Variants in SLC43A3 observed in about 807,000 individuals in gnomAD.
SLC43A3 encodes the protein equilibrative nucleobase transporter 1.
A neutral mutation model predicts 53.3 loss-of-function variants in SLC43A3; 33 were observed. The observed-to-expected ratio is 0.62, with a 90% CI of 0.47 to 0.83. SLC43A3 has a LOEUF of 0.83. SLC43A3 is among the 40% of genes least tolerant of loss of function. The probability of loss-of-function intolerance (pLI) is 0.00; values close to 1 mark genes in which losing one functional copy is unlikely to be tolerated. For missense variants in SLC43A3, 530 were observed against 610.0 expected, an observed-to-expected ratio of 0.87 and a Z score of 1.38; for synonymous variants, 236 against 246.2, an observed-to-expected ratio of 0.96 and a Z score of 0.39.
Position 57,407,737 on chromosome 11 carries a change from G to T in SLC43A3, c.*55C>A, listed in dbSNP as rs1302031223. 1.9e-6 allele frequency: 2 copies of T among 1,077,170 alleles called. No individual in the cohort carries two copies. The highest frequency in any genetic ancestry group is 2.9e-6 in the Non-Finnish European group (2 of 696,556). The allele number at this position is 1,077,170 out of a possible 1,614,324, so 66.7% of individuals were successfully genotyped here. On this transcript the variant is annotated 3_prime_UTR_variant, in exon 14 of 14. Transcript: ENST00000395124. The stretch of plus-strand genomic sequence containing the variant: ...TCTTTTGGGACACGAGGTCCTCAAA[G>T]GTGGTGGAAGATGAACAAAACCATC...
chr11:57,424,625 AG>A (rs1339388641), intron 4 of SLC43A3, among the ~76,000 whole-genome samples: 17 of 152,060 alleles, frequency 1.1e-4, no homozygotes, highest in African/African-American at 3.9e-4. Context: ...AAAAAAAAAA[AG>A]CAATATCCTA....
At chr11:57,418,743 A>G (rs1252276534) in intron 7 of SLC43A3, among the ~76,000 whole-genome samples, 3 of 152,022 alleles carry the variant, frequency 2.0e-5, no homozygotes, top group South Asian at 4.2e-4. Flanking sequence ...TACAAAAATT[A>G]GTGGGGCATG....
At chr11:57,418,002 A>G (rs1942799627) in intron 7 of SLC43A3, 115 bp from the exon 8 acceptor site, 5 of 918,048 alleles carry the variant, frequency 5.4e-6, no homozygotes, top group Non-Finnish European at 8.3e-6. Context: ...ACAGCTAAAC[A>G]TAATGTGATC....
chr11:57,414,503 TCA>T (rs1942622575), intron 11 of SLC43A3, 110 bp downstream of exon 11: 1 of 540,722 alleles, frequency 1.8e-6, no homozygotes, highest in East Asian at 3.1e-5. Flanking sequence ...TAAGACTCTA[TCA>T]CAAAAAAAAA....
At chr11:57,411,533 T>C (rs1590679267) in intron 11 of SLC43A3, among the ~76,000 whole-genome samples, 3 of 146,768 alleles carry the variant, frequency 2.0e-5, no homozygotes, top group South Asian at 4.3e-4. Flanking sequence ...GACATGGTAG[T>C]GCATGCCTGT....
At position 57,425,995 on chromosome 11, in the gene SLC43A3, G is replaced by A. The variant is rs541285231; in HGVS notation, c.178C>T (p.Gln60Ter). 6.2e-7 allele frequency: 1 copy of A among 1,614,072 alleles called. No individual in the cohort carries two copies. The highest frequency in any genetic ancestry group is 1.1e-5 in the South Asian group (1 of 91,086). The change falls in exon 3 of 14, where the codon CAG (glutamine) becomes TAG (stop). Residue 60 changes from glutamine (Q) to a stop codon, truncating the protein, a stop_gained. Transcript: ENST00000395124. LOFTEE classifies it high-confidence loss of function. Reference sequence around the variant, plus strand: ...AAGTCATCCCTGCCCTTACCAGCCTGCCCTGTGGCATTGCCAATCGGCCCA... The same window carrying A: ...AAGTCATCCCTGCCCTTACCAGCCTACCCTGTGGCATTGCCAATCGGCCCA... The part of the protein sequence containing the change: ...DAGPIGNATG[Q>*]ADCKAQDERF...
chr11:57,414,686 A>G lies in SLC43A3; in HGVS notation c.989T>C (p.Leu330Pro). The change falls in exon 11 of 14, where the codon CTG becomes CCG. Residue 330 changes from leucine (L) to proline (P), a missense_variant. Transcript: ENST00000395124. ...GAGCAGGCCATTCCAGGGGGCACAC[A>G]GCACTCCGAACTGAGTGAAGGCAAA... The part of the protein sequence containing the change: ...NAFAFTQFGV[L>P]CAPWNGLLMD... The G allele has an allele frequency of 6.2e-7, 1 of 1,614,050 alleles. No homozygotes were observed. Among genetic ancestry groups the G allele is most frequent in the Non-Finnish European group, 8.5e-7 (1 of 1,179,992 alleles).
intron 11 of SLC43A3, among the ~76,000 whole-genome samples, chr11:57,412,769 C>A (rs1337390317): frequency 6.6e-6 from 1 of 151,142 alleles, no homozygotes; most frequent in Non-Finnish European, 1.5e-5. Context: ...GATTACGCCA[C>A]TGCACTCCAG....
Position 57,407,656 on chromosome 11 carries a change from GTCTT to G in SLC43A3, c.*132_*135del. On this transcript the variant is annotated 3_prime_UTR_variant, in exon 14 of 14. Coordinates refer to ENST00000395124, the MANE Select transcript of SLC43A3 (RefSeq NM_199329.3). The stretch of plus-strand genomic sequence containing the variant: ...TCTTGCTGCGCAGACGTCCTTGTGT[GTCTT>G]TATTTTGTGTGTGTGTGTGTGTGTG... 3.4e-6 allele frequency: 2 copies of G among 589,142 alleles called. No homozygotes were observed. Among genetic ancestry groups the G allele is most frequent in the Non-Finnish European group, 6.2e-6 (2 of 323,710 alleles). 36.5% of individuals were successfully genotyped at this position (589,142 alleles called of 1,614,324 possible).
intron 13 of SLC43A3, chr11:57,408,299 C>T (rs1298924174): frequency 7.8e-5 from 13 of 166,546 alleles, no homozygotes; most frequent in African/African-American, 9.6e-5. Context: ...CAGTGGTTCA[C>T]GCCTGTAATC....
intron 7 of SLC43A3, 72 bp downstream of exon 7, chr11:57,420,900 T>G: frequency 9.7e-7 from 1 of 1,029,360 alleles, no homozygotes; most frequent in Admixed American, 1.7e-5. Flanking sequence ...TGGAGACAAA[T>G]AATGCAGGTT....
intron 13 of SLC43A3, 173 bp from the exon 14 acceptor site, chr11:57,408,069 T>A (rs1454943776): frequency 1.8e-6 from 1 of 570,080 alleles, no homozygotes; most frequent in Non-Finnish European, 3.1e-6. Flanking sequence ...GGACTTTCAG[T>A]TACTTTTCAT....
At chr11:57,425,815 C>T in intron 3 of SLC43A3, 145 bp from the exon 4 acceptor site, 1 of 1,425,444 alleles carries the variant, frequency 7.0e-7, no homozygotes, top group Admixed American at 2.1e-5. Context: ...CTAATTACCC[C>T]TCAGGAGCTG....
rs769420949 is a variant in SLC43A3 at position 57,410,103 on chromosome 11, A to G, written c.1079T>C (p.Val360Ala). 74 of 1,604,984 alleles carry G rather than the reference A, an allele frequency of 4.6e-5. No individual in the cohort carries two copies. Among genetic ancestry groups the G allele is most frequent in the Non-Finnish European group, 4.7e-5 (55 of 1,176,368 alleles). Reference sequence around the variant, plus strand: ...CGAAGGCACCGTCGAGCAGAGGGCCACCGCCAAAGTGGAGGAACCTGGGCG... The same window carrying G: ...CGAAGGCACCGTCGAGCAGAGGGCCGCCGCCAAAGTGGAGGAACCTGGGCG... ...ARKTGSSTLA[V>A]ALCSTVPSLA... Residue 360 changes from valine to alanine, a missense_variant, in exon 12 of 14, where the codon GTG becomes GCG. Transcript: ENST00000395124.
chr11:57,418,103 C>T (rs896511647), intron 7 of SLC43A3, among the ~76,000 whole-genome samples: 2 of 152,098 alleles, frequency 1.3e-5, no homozygotes, highest in African/African-American at 4.8e-5. Context: ...TTGGGACGCA[C>T]GAGGATCACC....
rs1441370644 is a variant in SLC43A3, at chr11:57,424,011, G to T, written c.332C>A (p.Ala111Asp). 6.2e-7 allele frequency: 1 copy of T among 1,614,182 alleles called. No homozygotes were observed. The highest frequency in any genetic ancestry group is 1.1e-5 in the South Asian group (1 of 91,080). The change falls in exon 5 of 14, where the codon GCC becomes GAC. Residue 111 changes from alanine (A) to aspartate (D), a missense_variant. By Grantham distance (126) the Ala-to-Asp change is moderately radical. Transcript: ENST00000395124. ...AGAGGTGAAGGCTATGATGAGTGTGGCGGTGGTGTAGAAAAATCTGAAACA... is the reference window on the plus strand; with the variant it reads ...AGAGGTGAAGGCTATGATGAGTGTGTCGGTGGTGTAGAAAAATCTGAAACA... ...RLIAIFFYTTATLIIAFTSAG... is the reference protein window; with the variant it reads ...RLIAIFFYTTDTLIIAFTSAG...
At chr11:57,415,699 C>T (rs1407199487) in intron 9 of SLC43A3, among the ~76,000 whole-genome samples, 1 of 152,170 alleles carries the variant, frequency 6.6e-6, no homozygotes, top group Non-Finnish European at 1.5e-5. Flanking sequence ...GTCCTACACC[C>T]TGGCAAGTTC....
Position 57,426,356 on chromosome 11 carries a change from T to C in SLC43A3, c.-180-4A>G, listed in dbSNP as rs1402504800. The C allele has an allele frequency of 1.7e-6, 1 of 601,276 alleles. No homozygotes were observed. Among genetic ancestry groups the C allele is most frequent in the Non-Finnish European group, 2.9e-6 (1 of 341,496 alleles). The allele number at this position is 601,276 out of a possible 1,614,324, so 37.2% of individuals were successfully genotyped here. On this transcript the variant is annotated splice_polypyrimidine_tract_variant and splice_region_variant and intron_variant, in intron 2 of 13. Transcript: ENST00000395124. ...TCAGCGGGTGATTCTCTGGATCCTG[T>C]AGAATAAAGATAGAGGCTGCTGGAA...
At chr11:57,423,029 A>G (rs1198887219) in intron 5 of SLC43A3, among the ~76,000 whole-genome samples, 3 of 152,196 alleles carry the variant, frequency 2.0e-5, no homozygotes, top group Non-Finnish European at 4.4e-5. Context: ...AACACTAGGA[A>G]GGAATATTGG....
Sources: allele counts gnomAD v4.1 joint callset (sites outside exome capture counted in the v4.1 genomes callset), GRCh38; gene constraint gnomAD v4.1.1; transcripts MANE v1.5; gene names NCBI Gene and HGNC (gene_info 2026-07-23, HGNC 2026-07-21).